PSG6: variants seen among roughly 807,000 people sequenced by gnomAD.
PSG6 encodes the protein pregnancy-specific beta-1-glycoprotein 6.
A neutral mutation model predicts 43.3 loss-of-function variants in PSG6; 51 were observed. The ratio of observed to expected loss-of-function variants is 1.18; its 90% CI spans 0.94 to 1.49. The LOEUF (loss-of-function observed/expected upper bound fraction) is 1.49. PSG6 is among the 40% of genes most tolerant of loss of function. PSG6 has a pLI of 0.00. For missense variants in PSG6, 770 were observed against 522.2 expected (o/e 1.47, Z -4.62); for synonymous variants, 292 against 197.6 (o/e 1.48, Z -4.01).
At chr19:42,912,428 G>C (rs1972244756) in intron 2 of PSG6, among the ~76,000 whole-genome samples, 1 of 151,712 alleles carries the variant, frequency 6.6e-6, no homozygotes. Flanking sequence ...GTTTAGGTGT[G>C]CCATGAATTC....
In PSG6 at chr19:42,917,784, G is replaced by T. The variant is rs771445368; in HGVS notation, c.9C>A (p.Pro3=). The part of the protein sequence containing the change: MG[P]LSAPPCTQHI... Reference sequence around the variant, plus strand: ...GCTGAGTGCAGGGAGGGGCTGAGAGGGGTCCCATGGTCTCTGCTGTCTGTG... The same window carrying T: ...GCTGAGTGCAGGGAGGGGCTGAGAGTGGTCCCATGGTCTCTGCTGTCTGTG... Residue 3 remains proline (P), a synonymous_variant, in exon 1 of 6, where the codon CCC becomes CCA. Coordinates refer to ENST00000187910, the MANE Select transcript of PSG6 (RefSeq NM_001031850.4). 19 of 1,609,634 alleles carry T rather than the reference G, an allele frequency of 1.2e-5. 1 individual carries two copies. The South Asian group carries it at 1.4e-4, about 12-fold the overall frequency.
At chr19:42,917,591 C>T in intron 1 of PSG6, 138 bp downstream of exon 1, 1 of 1,344,950 alleles carries the variant, frequency 7.4e-7, no homozygotes, top group Non-Finnish European at 1.0e-6. Context: ...TCTTGAACTC[C>T]TGATCTCGTG....
At chr19:42,906,889 A>T in intron 5 of PSG6, 33 bp downstream of exon 5, 1 of 1,611,724 alleles carries the variant, frequency 6.2e-7, no homozygotes. Flanking sequence ...TCCACCTAAA[A>T]CCCTATTGCC....
In PSG6 at chr19:42,915,063, A is replaced by C. The variant is rs368900738; in HGVS notation, c.427+1062T>G. Among the ~76,000 whole-genome samples the C allele has an allele frequency of 3.6e-4, 54 of 151,684 alleles. 2 individuals carry two copies. The highest frequency in any genetic ancestry group is 3.3e-3 in the East Asian group (17 of 5,136). ...AAGAGAGGATTTGAGTCAATAAATG[A>C]CTATGGGGTCCTTGGAACCCAGTAA... On this transcript the variant is annotated intron_variant, in intron 2 of 5. Transcript: ENST00000187910.
At chr19:42,914,052 T>G (rs1972277463) in intron 2 of PSG6, among the ~76,000 whole-genome samples, 1 of 151,626 alleles carries the variant, frequency 6.6e-6, no homozygotes, top group Admixed American at 6.6e-5. Context: ...TTATATTTTT[T>G]TGTGTGCAGG....
rs974712151 is a variant in PSG6 at position 42,910,696 on chromosome 19, G to T, written c.590C>A (p.Thr197Asn). ...PMTHRLQLSK[T>N]NRTLYLFGVT... ...ACCAAATAGATAGAGGGTCCTGTTGGTTTTGGACAGCTGCAACCTGTGAGT... is the reference window on the plus strand; with the variant it reads ...ACCAAATAGATAGAGGGTCCTGTTGTTTTTGGACAGCTGCAACCTGTGAGT... The change falls in exon 3 of 6, where the codon ACC becomes AAC. Residue 197 changes from threonine to asparagine, a missense_variant. By Grantham distance (65) the Thr-to-Asn change is moderately conservative. Coordinates refer to ENST00000187910, the MANE Select transcript of PSG6 (RefSeq NM_001031850.4). The T allele has an allele frequency of 1.2e-5, 20 of 1,612,240 alleles. 1 individual carries two copies. Among genetic ancestry groups the T allele is most frequent in the Non-Finnish European group, 1.5e-5 (18 of 1,179,268 alleles).
intron 3 of PSG6, among the ~76,000 whole-genome samples, chr19:42,908,748 T>C (rs540144889): frequency 6.6e-6 from 1 of 151,916 alleles, no homozygotes; most frequent in South Asian, 2.1e-4. Context: ...GTTTGATGGA[T>C]ATGAGACAAA....
In PSG6 at chr19:42,912,394, T is replaced by C. The variant is rs540834549; in HGVS notation, c.428-1536A>G. On this transcript the variant is annotated intron_variant, in intron 2 of 5. Transcript: ENST00000187910. ...ATCTAAGATCAATTGCTGGTAGTCA[T>C]ATTTCTCTTGAGACCAAAATAAGGT... Among the ~76,000 whole-genome samples, 10 of 151,846 alleles carry C rather than the reference T, an allele frequency of 6.6e-5. 1 individual carries two copies. In the South Asian group the frequency reaches 2.1e-3, roughly 32 times the overall value.
intron 2 of PSG6, among the ~76,000 whole-genome samples, chr19:42,913,970 T>G (rs1972275367): frequency 6.6e-6 from 1 of 151,782 alleles, no homozygotes; most frequent in Non-Finnish European, 1.5e-5. Flanking sequence ...TCCACCCTCC[T>G]GTTTGGCAGA....
chr19:42,917,712 G>A lies in PSG6; in HGVS notation c.64+17C>T. 6.2e-7 allele frequency: 1 copy of A among 1,608,626 alleles called. No individual in the cohort carries two copies. Among genetic ancestry groups the A allele is most frequent in the African/African-American group, 1.3e-5 (1 of 74,666 alleles). On this transcript the variant is annotated intron_variant, in intron 1 of 5. Coordinates refer to ENST00000187910, the MANE Select transcript of PSG6 (RefSeq NM_001031850.4). The stretch of plus-strand genomic sequence containing the variant: ...TGCTTCCTCCTCCTGTCCTCTCCCA[G>A]GAAGTCCTCTCCTCACCTGTGAGCA...
At chr19:42,903,588 C>A (rs368523876) in intron 5 of PSG6, 32 of 1,396,580 alleles carry the variant, frequency 2.3e-5, no homozygotes, top group African/African-American at 1.2e-4. Flanking sequence ...TAAAATTACT[C>A]AAATCATAAA....
intron 3 of PSG6, among the ~76,000 whole-genome samples, chr19:42,909,065 C>T (rs1212313763): frequency 1.3e-5 from 2 of 151,666 alleles, no homozygotes; most frequent in Admixed American, 1.3e-4. Flanking sequence ...TTTTTTGATT[C>T]TCAAATATTT....
At chr19:42,914,985 A>G (rs1446216543) in intron 2 of PSG6, among the ~76,000 whole-genome samples, 1 of 151,632 alleles carries the variant, frequency 6.6e-6, no homozygotes, top group East Asian at 1.9e-4. Context: ...TCTGGAGTAC[A>G]GACTAATCAG....
chr19:42,910,554 C>T (rs1345811685), intron 3 of PSG6, 26 bp downstream of exon 3: 3 of 1,612,556 alleles, frequency 1.9e-6, no homozygotes, highest in Admixed American at 1.7e-5. Flanking sequence ...GGCAGCCTGG[C>T]TCACAGAGGA....
At chr19:42,905,362 A>C (rs748022307) in intron 5 of PSG6, among the ~76,000 whole-genome samples, 8 of 151,680 alleles carry the variant, frequency 5.3e-5, no homozygotes, top group East Asian at 1.9e-4. Flanking sequence ...CAATGTTACA[A>C]CACCTCACAC....
At chr19:42,913,544 G>A (rs983119938) in intron 2 of PSG6, among the ~76,000 whole-genome samples, 2 of 151,704 alleles carry the variant, frequency 1.3e-5, no homozygotes, top group African/African-American at 4.8e-5. Flanking sequence ...TTTTATGCCT[G>A]ACAGGAAGCC....
Position 42,916,017 on chromosome 19 carries a change from A to T in PSG6, c.427+108T>A, listed in dbSNP as rs1282216725. 17 of 1,554,878 alleles carry T rather than the reference A, an allele frequency of 1.1e-5. No individual in the cohort carries two copies. In the East Asian group the frequency reaches 3.1e-4, roughly 29 times the overall value. On this transcript the variant is annotated intron_variant, in intron 2 of 5. Coordinates refer to ENST00000187910, the MANE Select transcript of PSG6 (RefSeq NM_001031850.4). Reference sequence around the variant, plus strand: ...AAATGCCCAAACCCCAGCATGGGACATAATGCAGAGAGTGACACAGGCAGA... The same window carrying T: ...AAATGCCCAAACCCCAGCATGGGACTTAATGCAGAGAGTGACACAGGCAGA...
intron 1 of PSG6, among the ~76,000 whole-genome samples, 181 bp downstream of exon 1, chr19:42,917,548 A>G (rs1229732812): frequency 1.3e-5 from 2 of 150,758 alleles, no homozygotes; most frequent in African/African-American, 2.4e-5. Context: ...ATTTTTTGGT[A>G]GAGACACGTC....
chr19:42,917,744 C>G lies in PSG6; in HGVS notation c.49G>C (p.Gly17Arg), dbSNP rs763769633. 6.2e-7 allele frequency: 1 copy of G among 1,610,214 alleles called. No individual in the cohort carries two copies. Among genetic ancestry groups the G allele is most frequent in the East Asian group, 2.2e-5 (1 of 44,682 alleles). ...CTCTCCTCACCTGTGAGCAGGAGCC[C>G]CTTCCAGGTGATGTGCTGAGTGCAG... ...PPCTQHITWK[G>R]LLLTASLLNF... Residue 17 changes from glycine (G) to arginine (R), a missense_variant, in exon 1 of 6, where the codon GGG (glycine) becomes CGG (arginine). By Grantham distance (125) the Gly-to-Arg change is moderately radical (BLOSUM62 -2). Coordinates refer to ENST00000187910, the MANE Select transcript of PSG6 (RefSeq NM_001031850.4).
Sources: allele counts gnomAD v4.1 joint callset (sites outside exome capture counted in the v4.1 genomes callset), GRCh38; gene constraint gnomAD v4.1.1; transcripts MANE v1.5; gene names NCBI Gene and HGNC (gene_info 2026-07-23, HGNC 2026-07-21).